The following FBRS variants were observed in gnomAD, a reference collection of about 807,000 sequenced individuals.
FBRS encodes the protein fibrosin, also known as probable fibrosin-1.
Under a neutral mutation model 86.1 loss-of-function variants are expected in FBRS, and 15 were observed. The ratio of observed to expected loss-of-function variants is 0.17; its 90% CI spans 0.12 to 0.27. FBRS has a LOEUF of 0.27. Ranked by LOEUF, FBRS falls within the 10% of genes least tolerant of loss-of-function variation. FBRS has a pLI of 1.00. For missense variants in FBRS, 1,367 were observed against 1,301.6 expected (o/e 1.05, Z -0.77); for synonymous variants, 666 against 575.8 (o/e 1.16, Z -2.24).
In FBRS at chr16:30,659,871, C is replaced by T. The variant is rs2052435204; in HGVS notation, c.353C>T (p.Ala118Val). The change falls in exon 1 of 18, where the codon GCA (alanine) becomes GTA (valine). Residue 118 changes from alanine to valine, a missense_variant. Ala to Val is a moderately conservative substitution (Grantham distance 64). Around this residue, in one of 3 missense-constraint regions of FBRS, gnomAD observed 702 missense variants for 598.7 expected, o/e 1.17. Transcript: ENST00000356166. The part of the protein sequence containing the change: ...EEEEEEEEGG[A>V]DDGEAEEEPE... ...GAGGAGGAGGAGGAGGAGGGGGGCG[C>T]AGACGACGGCGAAGCCGAGGAGGAG... 1 of 1,543,216 alleles carries T rather than the reference C, an allele frequency of 6.5e-7. No homozygotes were observed.
rs1200327979 is a variant in FBRS at position 30,659,824 on chromosome 16, G to C, written c.306G>C (p.Ser102=). ...RPRARKRPAG[S]GSRGEEEEEE... ...GAGCTCGGAAGCGGCCTGCCGGCTC[G>C]GGCAGCCGCGGGGAGGAAGAGGAGG... is the stretch of plus-strand genomic sequence containing the variant. The change falls in exon 1 of 18, where the codon TCG becomes TCC. Residue 102 remains serine (S), a synonymous_variant. Transcript: ENST00000356166. 3.9e-6 allele frequency: 6 copies of C among 1,521,062 alleles called. No homozygotes were observed. Among genetic ancestry groups the C allele is most frequent in the South Asian group, 1.2e-5 (1 of 83,176 alleles). 94.2% of individuals were successfully genotyped at this position (1,521,062 alleles called of 1,614,324 possible).
rs1437747272 is a variant in FBRS at position 30,669,769 on chromosome 16, A to G, written c.*124A>G. On this transcript the variant is annotated 3_prime_UTR_variant, in exon 18 of 18. Transcript: ENST00000356166. This position sits in a 1 kb window ranked among gnomAD's most constrained non-coding sequence, Gnocchi z 5.9. ...AACCTCACCAGCCACCTCTGAGGTC[A>G]TGGAACCTGGGAACAGAAGCCTCAA... The G allele has an allele frequency of 4.7e-6, 6 of 1,264,018 alleles. No individual in the cohort carries two copies. The Admixed American group carries it at 1.4e-4, about 30-fold the overall frequency. 78.3% of individuals were successfully genotyped at this position (1,264,018 alleles called of 1,614,324 possible).
chr16:30,661,447 G>A, intron 4 of FBRS, 114 bp downstream of exon 4: 1 of 1,534,326 alleles, frequency 6.5e-7, no homozygotes, highest in South Asian at 1.2e-5. Context: ...ACATGGCTTA[G>A]GTTGAGTCAG....
At chr16:30,663,111 G>A (rs1167153871) in intron 6 of FBRS, 3 of 539,536 alleles carry the variant, frequency 5.6e-6, no homozygotes, top group Admixed American at 8.9e-5. Context: ...AGGCAAGTCT[G>A]CTCGGAATAG....
chr16:30,670,115 C>T lies in FBRS; in HGVS notation c.*470C>T, dbSNP rs1394076543. ...ATTTATCACCCCTTTCACATAGCCC[C>T]AAGACCTTTTGTACATTTTTACAGG... On this transcript the variant is annotated 3_prime_UTR_variant, in exon 18 of 18. Coordinates refer to ENST00000356166, the MANE Select transcript of FBRS (RefSeq NM_001105079.3). The T allele has an allele frequency of 8.6e-6, 4 of 463,854 alleles. No homozygotes were observed. The highest frequency in any genetic ancestry group is 1.7e-5 in the Non-Finnish European group (4 of 231,194). 28.7% of individuals were successfully genotyped at this position (463,854 alleles called of 1,614,324 possible).
At chr16:30,666,210 C>G (rs969320522) in intron 11 of FBRS, 3 of 561,082 alleles carry the variant, frequency 5.3e-6, no homozygotes, top group Admixed American at 6.3e-5. Context: ...TTAAACAGAC[C>G]GCTATACTCT....
intron 12 of FBRS, 28 bp from the exon 13 acceptor site, chr16:30,666,891 C>T (rs1408832964): frequency 6.2e-7 from 1 of 1,605,494 alleles, no homozygotes; most frequent in African/African-American, 1.3e-5. Flanking sequence ...CCTTCCCTTT[C>T]CCTTTGGTCA....
chr16:30,661,040 TG>T, intron 2 of FBRS, 139 bp from the exon 3 acceptor site: 1 of 1,322,530 alleles, frequency 7.6e-7, no homozygotes, highest in Non-Finnish European at 1.0e-6. Flanking sequence ...GGGACCCGGG[TG>T]GGCAGTGGCG....
At chr16:30,667,746 G>A in intron 15 of FBRS, 124 bp downstream of exon 15, 1 of 840,054 alleles carries the variant, frequency 1.2e-6, no homozygotes, top group Non-Finnish European at 1.7e-6. Context: ...GTGACCTTGG[G>A]CAGGTTACTC....
Position 30,668,749 on chromosome 16 carries a change from T to A in FBRS, c.2159-23T>A, listed in dbSNP as rs772919466. On this transcript the variant is annotated intron_variant, in intron 16 of 17. Coordinates refer to ENST00000356166, the MANE Select transcript of FBRS (RefSeq NM_001105079.3). Reference sequence around the variant, plus strand: ...GCCTCCCACTTCTGGCCCCTGTCACTCTCTGCTTCACCCTCTGCCCAGACT... The same window carrying A: ...GCCTCCCACTTCTGGCCCCTGTCACACTCTGCTTCACCCTCTGCCCAGACT... 23 of 1,590,114 alleles carry A rather than the reference T, an allele frequency of 1.4e-5. No individual in the cohort carries two copies. The East Asian group carries it at 2.0e-4, about 14-fold the overall frequency.
rs1282671872 is a variant in FBRS at position 30,667,308 on chromosome 16, T to C, written c.1876-12T>C. The C allele has an allele frequency of 3.9e-6, 6 of 1,539,062 alleles. No homozygotes were observed. In the East Asian group the frequency reaches 9.8e-5, roughly 25 times the overall value. ...TCCTCATGTACTGCCCCTCTCCCTGTGTCCCACACAGGGTGACTCCCACAA... is the reference window on the plus strand; with the variant it reads ...TCCTCATGTACTGCCCCTCTCCCTGCGTCCCACACAGGGTGACTCCCACAA... On this transcript the variant is annotated splice_polypyrimidine_tract_variant and intron_variant, in intron 13 of 17. Coordinates refer to ENST00000356166, the MANE Select transcript of FBRS (RefSeq NM_001105079.3).
rs1221201184 is a variant in FBRS at position 30,659,468 on chromosome 16, A to C, written c.-51A>C. 5 of 258,926 alleles carry C rather than the reference A, an allele frequency of 1.9e-5. No individual in the cohort carries two copies. Among genetic ancestry groups the C allele is most frequent in the Non-Finnish European group, 2.9e-5 (4 of 137,300 alleles). The allele number at this position is 258,926 out of a possible 1,614,324, so 16.0% of individuals were successfully genotyped here. A position where few individuals can be genotyped will look rare whatever the true frequency, so the allele number is the denominator to read the frequency against. Reference sequence around the variant, plus strand: ...CGCCTGCGACCCCGGGCCTGCGGACAGGCCGCTTCGGGCCCCGCCGCCTCC... The same window carrying C: ...CGCCTGCGACCCCGGGCCTGCGGACCGGCCGCTTCGGGCCCCGCCGCCTCC... On this transcript the variant is annotated 5_prime_UTR_variant, in exon 1 of 18. Transcript: ENST00000356166.
At position 30,662,407 on chromosome 16, in the gene FBRS, C is replaced by G. The variant is rs1567544321; in HGVS notation, c.706-13C>G. 1 of 1,550,416 alleles carries G rather than the reference C, an allele frequency of 6.4e-7. No homozygotes were observed. The highest frequency in any genetic ancestry group is 8.7e-7 in the Non-Finnish European group (1 of 1,147,010). On this transcript the variant is annotated splice_polypyrimidine_tract_variant and intron_variant, in intron 4 of 17. Coordinates refer to ENST00000356166, the MANE Select transcript of FBRS (RefSeq NM_001105079.3). ...CCCACAACCTAACTCTATCCCTTGC[C>G]CTTCTTCCCCAGGTCTCCGATGATG...
chr16:30,663,610 G>A (rs79000570), intron 6 of FBRS, among the ~76,000 whole-genome samples: 3,603 of 152,284 alleles, frequency 0.024, 108 homozygotes, highest in African/African-American at 0.074. Flanking sequence ...AGGTGGCGTG[G>A]AATGTTGGAG....
chr16:30,661,712 G>C (rs1441138060), intron 4 of FBRS, among the ~76,000 whole-genome samples: 1 of 152,136 alleles, frequency 6.6e-6, no homozygotes, highest in Admixed American at 6.5e-5. Context: ...AGAGTAGTGA[G>C]GACACTAAAT....
rs752938481 is a variant in FBRS at position 30,666,497 on chromosome 16, C to CT, written c.1774-12dup. 141 of 1,614,030 alleles carry CT rather than the reference C, an allele frequency of 8.7e-5. 1 individual carries two copies. In the African/African-American group the frequency reaches 1.2e-3, roughly 14 times the overall value. ...GGGTCTGAGTCGCCTCCCATCTCTC[C>CT]TTTGCCATCCCCAGATCCCCGACCA... On this transcript the variant is annotated splice_polypyrimidine_tract_variant and intron_variant, in intron 11 of 17. Transcript: ENST00000356166.
rs1307912727 is a variant in FBRS at position 30,659,522 on chromosome 16, G to A, written c.4G>A (p.Glu2Lys). Residue 2 changes from glutamate (E) to lysine (K), a missense_variant, in exon 1 of 18, where the codon GAG becomes AAG. This residue lies in a region of FBRS where 702 missense variants were observed against 598.7 expected (regional missense o/e 1.17). Coordinates refer to ENST00000356166, the MANE Select transcript of FBRS (RefSeq NM_001105079.3). METAAAAAPGPG... is the reference protein window; with the variant it reads MKTAAAAAPGPG... ...TGCGGCGCTGAGGGCGGTCGCCATG[G>A]AGACGGCAGCGGCCGCGGCCCCGGG... is the stretch of plus-strand genomic sequence containing the variant. The A allele has an allele frequency of 2.0e-5, 6 of 301,666 alleles. No homozygotes were observed. The highest frequency in any genetic ancestry group is 3.6e-5 in the Non-Finnish European group (6 of 164,618). 18.7% of individuals were successfully genotyped at this position (301,666 alleles called of 1,614,324 possible). A position where few individuals can be genotyped will look rare whatever the true frequency, so the allele number is the denominator to read the frequency against.
Position 30,669,393 on chromosome 16 carries a change from C to T in FBRS, c.2691C>T (p.Phe897=), listed in dbSNP as rs1459406307. ...APPRLARPPR[F]YEAGEELTGP... ...CACGCCTGGCAAGGCCACCCCGCTT[C>T]TATGAGGCGGGTGAGGAGCTAACTG... Residue 897 remains phenylalanine, a synonymous_variant, in exon 18 of 18, where the codon TTC becomes TTT. Transcript: ENST00000356166. The surrounding 1 kb of genome is among the most constrained non-coding windows in gnomAD (Gnocchi z 5.9). 3 of 1,612,844 alleles carry T rather than the reference C, an allele frequency of 1.9e-6. No homozygotes were observed. Among genetic ancestry groups the T allele is most frequent in the Non-Finnish European group, 2.5e-6 (3 of 1,179,782 alleles).
Position 30,663,082 on chromosome 16 carries a change from T to C in FBRS, c.1055+223T>C, listed in dbSNP as rs181845729. 2.1e-4 allele frequency: 186 copies of C among 888,180 alleles called. 1 individual carries two copies. In the East Asian group the frequency reaches 5.6e-3, roughly 27 times the overall value. 55.0% of individuals were successfully genotyped at this position (888,180 alleles called of 1,614,324 possible). ...GCTGTTTCCCAGTTGTGTTTGCTGG[T>C]GAGAACGTTTTTTCAGGCAGGCAAG... On this transcript the variant is annotated intron_variant, in intron 6 of 17. Coordinates refer to ENST00000356166, the MANE Select transcript of FBRS (RefSeq NM_001105079.3).
Sources: allele counts gnomAD v4.1 joint callset (sites outside exome capture counted in the v4.1 genomes callset), GRCh38; gene constraint gnomAD v4.1.1; regional missense constraint gnomAD v4.1.1; non-coding constraint Gnocchi (gnomAD v3.1); transcripts MANE v1.5; gene names NCBI Gene and HGNC (gene_info 2026-07-23, HGNC 2026-07-21).